Variants in FAM168A observed in about 807,000 individuals in gnomAD.
The protein encoded by FAM168A is protein FAM168A.
FAM168A carries 3 observed loss-of-function variants against 28.5 expected under a neutral mutation model. The observed-to-expected ratio is 0.11, with a 90% CI of 0.05 to 0.27. The LOEUF is 0.27. Ranked by LOEUF, FAM168A falls within the 10% of genes least tolerant of loss-of-function variation. The pLI is 1.00. For synonymous variants in FAM168A, 122 were observed against 124.2 expected (o/e 0.98, Z 0.12); for missense variants, 222 against 311.5 (o/e 0.71, Z 2.16).
At chr11:73,525,597 C>A (rs1943437749) in intron 1 of FAM168A, among the ~76,000 whole-genome samples, 1 of 152,108 alleles carries the variant, frequency 6.6e-6, no homozygotes, top group Admixed American at 6.5e-5. Context: ...TGAACTAATC[C>A]TCCTCTTTTC....
intron 1 of FAM168A, among the ~76,000 whole-genome samples, chr11:73,493,961 C>G (rs1489509095): frequency 6.6e-6 from 1 of 152,196 alleles, no homozygotes; most frequent in Non-Finnish European, 1.5e-5. Context: ...TCTAGAAACA[C>G]TTCATGTTAG....
At chr11:73,493,883 T>C (rs1057052102) in intron 1 of FAM168A, among the ~76,000 whole-genome samples, 21 of 152,196 alleles carry the variant, frequency 1.4e-4, no homozygotes, top group Non-Finnish European at 7.3e-5. Flanking sequence ...TACATGAAGC[T>C]TCACAGACCC....
At chr11:73,560,578 G>A (rs1378272392) in intron 1 of FAM168A, among the ~76,000 whole-genome samples, 3 of 152,174 alleles carry the variant, frequency 2.0e-5, no homozygotes, top group African/African-American at 7.2e-5. Flanking sequence ...AACCTGCCAT[G>A]TGCTAAAAAC....
At chr11:73,544,717 A>G (rs1336458969) in intron 1 of FAM168A, among the ~76,000 whole-genome samples, 4 of 117,314 alleles carry the variant, frequency 3.4e-5, no homozygotes, top group Non-Finnish European at 6.4e-5. Context: ...ATATAATTAT[A>G]TATTTTATAT....
At chr11:73,472,611 G>C (rs115614699) in intron 1 of FAM168A, among the ~76,000 whole-genome samples, 2,024 of 152,326 alleles carry the variant, frequency 0.013, 45 homozygotes, top group African/African-American at 0.045. Context: ...CAGCAGGAAA[G>C]CAAGAAGAGT....
intron 1 of FAM168A, among the ~76,000 whole-genome samples, chr11:73,582,110 C>G (rs1335171632): frequency 6.6e-6 from 1 of 152,176 alleles, no homozygotes; most frequent in Non-Finnish European, 1.5e-5. Context: ...TCAAAACCAA[C>G]CTAACATAGA....
At chr11:73,545,008 C>T (rs57341842) in intron 1 of FAM168A, among the ~76,000 whole-genome samples, 712 of 57,988 alleles carry the variant, frequency 0.012, 22 homozygotes, top group African/African-American at 0.051. Flanking sequence ...ATATAATATA[C>T]TATATATATA....
chr11:73,591,254 C>T (rs1368853131), intron 1 of FAM168A, among the ~76,000 whole-genome samples: 1 of 152,076 alleles, frequency 6.6e-6, no homozygotes, highest in Non-Finnish European at 1.5e-5. Context: ...TTTTTAAATA[C>T]GAGCTTTTCT....
At chr11:73,421,316 G>A (rs1269868335) in intron 3 of FAM168A, among the ~76,000 whole-genome samples, 1 of 152,166 alleles carries the variant, frequency 6.6e-6, no homozygotes, top group African/African-American at 2.4e-5. Flanking sequence ...AAGTACTGGG[G>A]CCAGAGAAGG....
At chr11:73,421,341 G>A (rs1422482147) in intron 3 of FAM168A, among the ~76,000 whole-genome samples, 7 of 152,186 alleles carry the variant, frequency 4.6e-5, no homozygotes, top group East Asian at 1.9e-4. Context: ...GGACTGTGCT[G>A]TTTTTGTTGA....
intron 1 of FAM168A, among the ~76,000 whole-genome samples, chr11:73,519,795 C>T (rs1344113168): frequency 3.5e-5 from 5 of 142,778 alleles, no homozygotes; most frequent in Middle Eastern, 3.3e-3. Context: ...TGTGTGTGTG[C>T]GTGTGCGTTT....
intron 1 of FAM168A, among the ~76,000 whole-genome samples, chr11:73,480,531 T>C (rs1318260012): frequency 6.6e-6 from 1 of 152,054 alleles, no homozygotes; most frequent in Non-Finnish European, 1.5e-5. Context: ...AGTGGGGAAA[T>C]AGTTGTATTT....
rs1190546228 is a variant in FAM168A, at chr11:73,406,271, T to G, written c.*492A>C. ...TTCATTTGTGTCTGGGACATGGGAATGTCCTGAACTAATCTTGCTTAAGAA... is the reference window on the plus strand; with the variant it reads ...TTCATTTGTGTCTGGGACATGGGAAGGTCCTGAACTAATCTTGCTTAAGAA... On this transcript the variant is annotated 3_prime_UTR_variant, in exon 8 of 8. Coordinates refer to ENST00000356467, the MANE Select transcript of FAM168A (RefSeq NM_015159.3). The G allele has an allele frequency of 6.6e-6, 1 of 152,204 alleles. No individual in the cohort carries two copies. The highest frequency in any genetic ancestry group is 1.5e-5 in the Non-Finnish European group (1 of 68,038). The allele number at this position is 152,204 out of a possible 1,614,324, so 9.4% of individuals were successfully genotyped here.
At chr11:73,496,654 G>A (rs993959066) in intron 1 of FAM168A, among the ~76,000 whole-genome samples, 11 of 152,228 alleles carry the variant, frequency 7.2e-5, no homozygotes, top group South Asian at 2.1e-4. Flanking sequence ...TCCGCCTCCC[G>A]CGTTCACGCC....
intron 1 of FAM168A, among the ~76,000 whole-genome samples, chr11:73,582,664 T>C (rs1944261889): frequency 1.3e-5 from 2 of 152,252 alleles, no homozygotes; most frequent in African/African-American, 2.4e-5. Context: ...TTTGGTTTTA[T>C]AGCATTCATT....
At chr11:73,476,262 C>T (rs1867886966) in intron 1 of FAM168A, among the ~76,000 whole-genome samples, 1 of 152,106 alleles carries the variant, frequency 6.6e-6, no homozygotes, top group African/African-American at 2.4e-5. Context: ...CCTGATCAAA[C>T]ATTGGATGGC....
At chr11:73,443,546 T>C (rs1452865292) in intron 2 of FAM168A, among the ~76,000 whole-genome samples, 1 of 152,178 alleles carries the variant, frequency 6.6e-6, no homozygotes, top group Non-Finnish European at 1.5e-5. Flanking sequence ...CAACTCCAAG[T>C]TAGTGACAGG....
intron 1 of FAM168A, among the ~76,000 whole-genome samples, chr11:73,581,056 C>CT (rs1172281694): frequency 1.3e-5 from 2 of 152,218 alleles, no homozygotes; most frequent in Non-Finnish European, 2.9e-5. Context: ...GTCACTTTCA[C>CT]TTCACTTCCT....
chr11:73,526,518 A>G (rs1246908238), intron 1 of FAM168A, among the ~76,000 whole-genome samples: 1 of 152,166 alleles, frequency 6.6e-6, no homozygotes, highest in Non-Finnish European at 1.5e-5. Context: ...GCTAAAAACA[A>G]TAACAAAAAT....
Sources: gnomAD v4.1 joint callset for allele counts (sites outside exome capture counted in the v4.1 genomes callset) on GRCh38, gnomAD v4.1.1 for gene constraint, MANE v1.5 for transcripts, NCBI Gene and HGNC (gene_info 2026-07-23, HGNC 2026-07-21) for gene names.